ZNF76: variants seen among roughly 807,000 people sequenced by gnomAD.
ZNF76 encodes zinc finger protein 523.
A neutral mutation model predicts 66.9 loss-of-function variants in ZNF76; 66 were observed. That is an observed-to-expected ratio of 0.99 (90% CI 0.81 to 1.21). The LOEUF is 1.21. Among genes scored for constraint, ZNF76 ranks in the 50% most tolerant of loss-of-function variants. The probability of loss-of-function intolerance (pLI) is 0.00; values close to 1 mark genes in which losing one functional copy is unlikely to be tolerated. For synonymous variants in ZNF76, 275 were observed against 296.1 expected, an observed-to-expected ratio of 0.93 and a Z score of 0.73; for missense variants, 729 against 760.3, an observed-to-expected ratio of 0.96 and a Z score of 0.48.
Position 35,290,893 on chromosome 6 carries a change from T to C in ZNF76, c.625+177T>C, listed in dbSNP as rs1231513489. 6 of 653,474 alleles carry C rather than the reference T, an allele frequency of 9.2e-6. No individual in the cohort carries two copies. In the East Asian group the frequency reaches 1.1e-4, roughly 12 times the overall value. 40.5% of individuals were successfully genotyped at this position (653,474 alleles called of 1,614,324 possible). On this transcript the variant is annotated intron_variant, in intron 7 of 13. Coordinates refer to ENST00000373953, the MANE Select transcript of ZNF76 (RefSeq NM_003427.5). ...CTTGTTACGGGAGTGCAAGGCAGCA[T>C]GGTTCAGGCCAGCAGAAGGAGCCTG...
chr6:35,292,836 C>T lies in ZNF76; in HGVS notation c.1166-45C>T. 1 of 1,613,734 alleles carries T rather than the reference C, an allele frequency of 6.2e-7. No homozygotes were observed. Among genetic ancestry groups the T allele is most frequent in the Non-Finnish European group, 8.5e-7 (1 of 1,179,710 alleles). ...AGAGTGGGGACAAGCCAGGCCTCCC[C>T]ATGGCATCTGGTAGCAGATGTCAGC... On this transcript the variant is annotated intron_variant, in intron 10 of 13. Transcript: ENST00000373953. The surrounding 1 kb of genome is among the most constrained non-coding windows in gnomAD (Gnocchi z 4.7).
intron 2 of ZNF76, among the ~76,000 whole-genome samples, chr6:35,282,762 A>AT (rs1213074090): frequency 6.6e-6 from 1 of 152,154 alleles, no homozygotes. Flanking sequence ...TATTGATTTC[A>AT]TTTTAAGTTG....
chr6:35,281,937 TA>T (rs76963744), intron 2 of ZNF76, among the ~76,000 whole-genome samples: 627 of 119,364 alleles, frequency 5.3e-3, no homozygotes, highest in Admixed American at 5.2e-3. Flanking sequence ...TCCCATCTCT[TA>T]AAAAAAAAAA....
chr6:35,259,609 C>G (rs1258099374), upstream of ZNF76: 2 of 151,760 alleles, frequency 1.3e-5, no homozygotes, highest in African/African-American at 2.4e-5. Flanking sequence ...GCTGCCGCGG[C>G]GAAGCGGGGG....
chr6:35,267,467 G>A (rs1381100796), intron 1 of ZNF76, among the ~76,000 whole-genome samples: 1 of 152,182 alleles, frequency 6.6e-6, no homozygotes, highest in African/African-American at 2.4e-5. Context: ...GATGAATTAA[G>A]TGCTTAGAAT....
chr6:35,267,863 T>G (rs1786392003), intron 1 of ZNF76, among the ~76,000 whole-genome samples: 2 of 152,032 alleles, frequency 1.3e-5, no homozygotes, highest in Non-Finnish European at 2.9e-5. Context: ...TAGGGAAGAG[T>G]TGGGAGTGGT....
intron 9 of ZNF76, 59 bp downstream of exon 9, chr6:35,291,796 G>A (rs1015514774): frequency 5.1e-6 from 8 of 1,579,310 alleles, no homozygotes; most frequent in Non-Finnish European, 6.9e-6. Context: ...TCTACTGTAG[G>A]CTTCCCATCT....
At chr6:35,271,470 A>G (rs1466282491) in intron 1 of ZNF76, among the ~76,000 whole-genome samples, 2 of 152,228 alleles carry the variant, frequency 1.3e-5, no homozygotes, top group Non-Finnish European at 2.9e-5. Context: ...GGAGTTAGAG[A>G]TCAGCCTGGC....
chr6:35,289,851 C>A (rs1309140553), intron 5 of ZNF76, among the ~76,000 whole-genome samples: 2 of 152,082 alleles, frequency 1.3e-5, no homozygotes, highest in Non-Finnish European at 2.9e-5. Context: ...AGGAAGGGGA[C>A]CCCTCCCATC....
chr6:35,287,616 G>T lies in ZNF76; in HGVS notation c.233-30G>T. ...CAGCTGTATCTCTTCCCCTTGTGTG[G>T]CATCAGGGCTAACCGCGTGTTCCCT... On this transcript the variant is annotated intron_variant, in intron 4 of 13. Transcript: ENST00000373953. This position sits in a 1 kb window ranked among gnomAD's most constrained non-coding sequence, Gnocchi z 4.0. 6.4e-7 allele frequency: 1 copy of T among 1,565,952 alleles called. No homozygotes were observed. The highest frequency in any genetic ancestry group is 1.2e-5 in the South Asian group (1 of 84,024).
chr6:35,290,254 C>A lies in ZNF76; in HGVS notation c.433-12C>A. On this transcript the variant is annotated splice_polypyrimidine_tract_variant and intron_variant, in intron 5 of 13. Coordinates refer to ENST00000373953, the MANE Select transcript of ZNF76 (RefSeq NM_003427.5). ...GAGAATACATATAGGGATCTCAAGA[C>A]TTTTCCCCCAGGTTCTTCATGACAG... The A allele has an allele frequency of 1.9e-6, 3 of 1,614,076 alleles. No homozygotes were observed. Among genetic ancestry groups the A allele is most frequent in the East Asian group, 2.2e-5 (1 of 44,886 alleles).
chr6:35,289,856 C>T (rs951056181), intron 5 of ZNF76, among the ~76,000 whole-genome samples: 1 of 152,130 alleles, frequency 6.6e-6, no homozygotes, highest in African/African-American at 2.4e-5. Flanking sequence ...GGGGACCCCT[C>T]CCATCAGAAG....
intron 1 of ZNF76, among the ~76,000 whole-genome samples, chr6:35,276,790 GGTTT>G (rs778652417): frequency 1.1e-4 from 11 of 97,562 alleles, no homozygotes; most frequent in Non-Finnish European, 1.8e-4. Context: ...TTTATTTATG[GGTTT>G]TTTTTTTTTT....
At chr6:35,294,762 G>A in intron 13 of ZNF76, 193 bp downstream of exon 13, 1 of 633,566 alleles carries the variant, frequency 1.6e-6, no homozygotes, top group Non-Finnish European at 2.9e-6. Flanking sequence ...GAATGTTGAA[G>A]CCTCTTCTGG....
intron 1 of ZNF76, among the ~76,000 whole-genome samples, chr6:35,268,067 A>G (rs1278855881): frequency 6.6e-6 from 1 of 152,226 alleles, no homozygotes; most frequent in East Asian, 1.9e-4. Flanking sequence ...AATCTGAGCT[A>G]AAGAGCTCAG....
intron 1 of ZNF76, among the ~76,000 whole-genome samples, chr6:35,278,831 G>C (rs185108420): frequency 7.9e-5 from 12 of 152,340 alleles, no homozygotes; most frequent in East Asian, 5.8e-4. Flanking sequence ...CCTTGCACAT[G>C]AGGGACCCAG....
intron 1 of ZNF76, among the ~76,000 whole-genome samples, chr6:35,265,520 AAAGAAG>A (rs200688463): frequency 0.075 from 11,118 of 148,628 alleles, 756 homozygotes; most frequent in African/African-American, 0.22. Flanking sequence ...AAAAAAAAAA[AAAGAAG>A]AAGAAGAAGA....
chr6:35,286,280 G>C, intron 3 of ZNF76, 42 bp from the exon 4 acceptor site: 1 of 1,613,396 alleles, frequency 6.2e-7, no homozygotes. Flanking sequence ...CCCCTCCATG[G>C]CACTGAGCTC....
chr6:35,286,245 A>C, intron 3 of ZNF76, 37 bp downstream of exon 3: 1 of 1,613,126 alleles, frequency 6.2e-7, no homozygotes, highest in Non-Finnish European at 8.5e-7. Flanking sequence ...TTGTCGAGGG[A>C]AGCCTGACAG....
Sources: gnomAD v4.1 joint callset for allele counts (sites outside exome capture counted in the v4.1 genomes callset) on GRCh38, gnomAD v4.1.1 for gene constraint, Gnocchi (gnomAD v3.1) non-coding constraint, MANE v1.5 for transcripts, NCBI Gene and HGNC (gene_info 2026-07-23, HGNC 2026-07-21) for gene names.